Variants in KCNIP4 observed in about 807,000 individuals in gnomAD.
KCNIP4 encodes the protein potassium voltage-gated channel interacting protein 4.
A neutral mutation model predicts 34.0 loss-of-function variants in KCNIP4; 12 were observed. The ratio of observed to expected loss-of-function variants is 0.35; its 90% CI spans 0.23 to 0.57. KCNIP4 has a LOEUF of 0.57. Among genes scored for constraint, KCNIP4 ranks in the 20% least tolerant of loss-of-function variants. KCNIP4 has a pLI of 0.83. For missense variants in KCNIP4, 238 were observed against 311.7 expected (o/e 0.76, Z 1.78); for synonymous variants, 124 against 102.2 (o/e 1.21, Z -1.29).
At chr4:21,196,043 C>G (rs900595558) in intron 1 of KCNIP4, among the ~76,000 whole-genome samples, 2 of 152,194 alleles carry the variant, frequency 1.3e-5, no homozygotes, top group Non-Finnish European at 2.9e-5. Context: ...TTTCTTACAA[C>G]AAAAACTTTG....
chr4:21,441,739 T>A (rs1055085799), intron 1 of KCNIP4, among the ~76,000 whole-genome samples: 1 of 152,204 alleles, frequency 6.6e-6, no homozygotes, highest in Admixed American at 6.5e-5. Context: ...ATTTGTCAGA[T>A]ATACTAAGCA....
chr4:21,012,505 T>C (rs1739145806), intron 1 of KCNIP4, among the ~76,000 whole-genome samples: 2 of 152,078 alleles, frequency 1.3e-5, no homozygotes, highest in African/African-American at 2.4e-5. Flanking sequence ...AGGTCAAAGT[T>C]TCAGTAAGCA....
chr4:21,224,406 A>T (rs1758205663), intron 1 of KCNIP4, among the ~76,000 whole-genome samples: 1 of 151,418 alleles, frequency 6.6e-6, no homozygotes, highest in African/African-American at 2.4e-5. Context: ...CTCATGACCT[A>T]ATTAAATTAC....
chr4:21,064,904 T>C (rs2108981255), intron 1 of KCNIP4, among the ~76,000 whole-genome samples: 2 of 152,366 alleles, frequency 1.3e-5, no homozygotes, highest in Middle Eastern at 6.8e-3. Flanking sequence ...CACAATTTAA[T>C]TCCAAAACAT....
In KCNIP4 at chr4:21,195,974, A is replaced by G. The variant is rs560502882; in HGVS notation, c.62-313265T>C. On this transcript the variant is annotated intron_variant, in intron 1 of 8. Transcript: ENST00000382152. ...TCAGCGACCAGATTTGGGCAACTCA[A>G]GTTTCCCGGCTTCTCTTTTTGTTTT... Among the ~76,000 whole-genome samples, 11 of 152,256 alleles carry G rather than the reference A, an allele frequency of 7.2e-5. No homozygotes were observed. The South Asian group carries it at 2.3e-3, about 32-fold the overall frequency.
intron 1 of KCNIP4, among the ~76,000 whole-genome samples, chr4:21,925,905 G>T (rs1729222139): frequency 6.6e-6 from 1 of 152,096 alleles, no homozygotes; most frequent in African/African-American, 2.4e-5. Context: ...GAAGACCTAG[G>T]TTGGAGCCCC....
At chr4:20,988,000 CAAAAAAAAAAAAA>C in intron 1 of KCNIP4, among the ~76,000 whole-genome samples, 1 of 46,332 alleles carries the variant, frequency 2.2e-5, no homozygotes, top group South Asian at 7.5e-4. Context: ...GATTCCATCT[CAAAAAAAAAAAAA>C]AAAAAAAAAT....
intron 1 of KCNIP4, among the ~76,000 whole-genome samples, chr4:20,894,273 G>T (rs769640711): frequency 2.6e-5 from 4 of 152,166 alleles, no homozygotes; most frequent in Non-Finnish European, 4.4e-5. Context: ...AGGTGAGTAA[G>T]GTTGATTCTT....
rs142671651 is a variant in KCNIP4, at chr4:21,406,633, C to T, written c.62-523924G>A. 4.6e-3 allele frequency among the ~76,000 whole-genome samples: 705 copies of T among 152,180 alleles called. 6 individuals carry two copies. Among genetic ancestry groups the T allele is most frequent in the African/African-American group, 0.016 (682 of 41,522 alleles). On this transcript the variant is annotated intron_variant, in intron 1 of 8. Coordinates refer to ENST00000382152, the MANE Select transcript of KCNIP4 (RefSeq NM_025221.6). ...ATATGACAATTATCTCAAGGAAAAG[C>T]GCTGATGTAATTGAGTTTTGTGCTG...
chr4:21,373,089 A>T (rs976398774), intron 1 of KCNIP4, among the ~76,000 whole-genome samples: 1 of 146,872 alleles, frequency 6.8e-6, no homozygotes, highest in East Asian at 2.0e-4. Context: ...ATTAAAAAAA[A>T]TTTTCTAATG....
chr4:21,102,743 A>C (rs1748058347), intron 1 of KCNIP4, among the ~76,000 whole-genome samples: 1 of 152,222 alleles, frequency 6.6e-6, no homozygotes, highest in African/African-American at 2.4e-5. Context: ...TTTGAGAACA[A>C]CAGTGGCTGT....
intron 1 of KCNIP4, among the ~76,000 whole-genome samples, chr4:21,426,264 A>T (rs1725923757): frequency 6.6e-6 from 1 of 152,194 alleles, no homozygotes; most frequent in Non-Finnish European, 1.5e-5. Flanking sequence ...TAGTTTAGTG[A>T]CCGTAGATAT....
intron 1 of KCNIP4, among the ~76,000 whole-genome samples, chr4:21,554,747 C>T (rs1384047965): frequency 6.6e-6 from 1 of 152,062 alleles, no homozygotes; most frequent in Admixed American, 6.6e-5. Flanking sequence ...GCGCTTATTG[C>T]CCTGGGTGCC....
chr4:21,854,509 C>G (rs1724627173), intron 1 of KCNIP4, among the ~76,000 whole-genome samples: 1 of 152,114 alleles, frequency 6.6e-6, no homozygotes, highest in Admixed American at 6.5e-5. Context: ...ACCCCAATTG[C>G]TTAAATTCCC....
intron 1 of KCNIP4, among the ~76,000 whole-genome samples, chr4:21,221,226 C>T (rs549294721): frequency 2.6e-5 from 4 of 152,224 alleles, no homozygotes; most frequent in Middle Eastern, 6.8e-3. Flanking sequence ...ATTTTTTACT[C>T]AAACTACTAA....
chr4:21,249,064 G>A (rs764426406), intron 1 of KCNIP4, among the ~76,000 whole-genome samples: 21 of 152,134 alleles, frequency 1.4e-4, no homozygotes, highest in African/African-American at 4.8e-4. Flanking sequence ...CTAGAAATTC[G>A]TATTTTCTTT....
rs891062700 is a variant in KCNIP4, at chr4:20,731,869, T to C, written c.705+137A>G. On this transcript the variant is annotated intron_variant, in intron 8 of 8. Transcript: ENST00000382152. ...GTGCTTGTTTTCAGAGTGGTAGGCT[T>C]ATGCTGCATGTTGTAGAAGTGGTAA... 4 of 1,439,994 alleles carry C rather than the reference T, an allele frequency of 2.8e-6. No homozygotes were observed. The Admixed American group carries it at 1.1e-4, about 39-fold the overall frequency. The allele number at this position is 1,439,994 out of a possible 1,614,324, so 89.2% of individuals were successfully genotyped here. A position where few individuals can be genotyped will look rare whatever the true frequency, so the allele number is the denominator to read the frequency against.
chr4:21,755,881 T>C (rs552070114), intron 1 of KCNIP4, among the ~76,000 whole-genome samples: 2 of 152,360 alleles, frequency 1.3e-5, no homozygotes, highest in Admixed American at 6.5e-5. Context: ...GATAGGGCAG[T>C]AATGATCTTT....
chr4:20,774,240 T>C (rs1245162256), intron 3 of KCNIP4, among the ~76,000 whole-genome samples: 2 of 152,208 alleles, frequency 1.3e-5, no homozygotes, highest in Non-Finnish European at 2.9e-5. Context: ...TCATGTAATA[T>C]GGGATATTAT....
Sources: gnomAD v4.1 joint callset for allele counts (sites outside exome capture counted in the v4.1 genomes callset) on GRCh38, gnomAD v4.1.1 for gene constraint, MANE v1.5 for transcripts, NCBI Gene and HGNC (gene_info 2026-07-23, HGNC 2026-07-21) for gene names.